SYCP2: variants seen among roughly 807,000 people sequenced by gnomAD.
SYCP2 encodes synaptonemal complex protein 2, also known as synaptonemal complex lateral element protein.
SYCP2 carries 55 observed loss-of-function variants against 211.3 expected under a neutral mutation model. That is an observed-to-expected ratio of 0.26 (90% CI 0.21 to 0.33). SYCP2 has a LOEUF of 0.33. SYCP2 is among the 10% of genes least tolerant of loss of function. The pLI is 1.00. For missense variants in SYCP2, 1,731 were observed against 1,752.0 expected (o/e 0.99, Z 0.21); for synonymous variants, 570 against 555.2 (o/e 1.03, Z -0.37).
At chr20:59,911,997 AAAC>A (rs1182050476) in intron 13 of SYCP2, 152 bp from the exon 14 acceptor site, 2 of 456,308 alleles carry the variant, frequency 4.4e-6, no homozygotes, top group Non-Finnish European at 3.9e-6. Context: ...ATAAATTTAA[AAAC>A]AATCAAATGA....
chr20:59,892,217 G>C lies in SYCP2; in HGVS notation c.2137C>G (p.Gln713Glu). ...SGQKNTENAKQSDWPVESETT... is the reference protein window; with the variant it reads ...SGQKNTENAKESDWPVESETT... Reference sequence around the variant, plus strand: ...TCAGATTCAACAGGCCAATCACTCTGCTTGGCATTTTCAGTATTTTTCTGC... The same window carrying C: ...TCAGATTCAACAGGCCAATCACTCTCCTTGGCATTTTCAGTATTTTTCTGC... Residue 713 changes from glutamine (Q) to glutamate (E), a missense_variant, in exon 24 of 45, where the codon CAG becomes GAG. By Grantham distance (29) the Gln-to-Glu change is conservative. Coordinates refer to ENST00000357552, the MANE Select transcript of SYCP2 (RefSeq NM_014258.4). The C allele has an allele frequency of 6.2e-7, 1 of 1,612,766 alleles. No individual in the cohort carries two copies. The highest frequency in any genetic ancestry group is 8.5e-7 in the Non-Finnish European group (1 of 1,179,224).
chr20:59,891,917 G>GTT (rs2059915058), intron 24 of SYCP2, 73 bp downstream of exon 24: 1 of 1,308,112 alleles, frequency 7.6e-7, no homozygotes, highest in Non-Finnish European at 1.0e-6. Flanking sequence ...AATTAATCAA[G>GTT]TTTCTTTCTT....
chr20:59,897,803 G>A (rs562482357), intron 18 of SYCP2, among the ~76,000 whole-genome samples: 1 of 152,206 alleles, frequency 6.6e-6, no homozygotes, highest in South Asian at 2.1e-4. Context: ...CAAAAAATGG[G>A]CCGGGTGCAG....
At chr20:59,926,270 G>A (rs1380589950) in intron 2 of SYCP2, among the ~76,000 whole-genome samples, 1 of 151,996 alleles carries the variant, frequency 6.6e-6, no homozygotes, top group Non-Finnish European at 1.5e-5. Context: ...CCACAAACTG[G>A]ATGGCTTAGA....
At chr20:59,867,894 A>G (rs1272859623) in intron 38 of SYCP2, 47 bp from the exon 39 acceptor site, 1 of 1,432,496 alleles carries the variant, frequency 7.0e-7, no homozygotes, top group Non-Finnish European at 9.7e-7. Flanking sequence ...GCATTACTCT[A>G]AATTTAGCCT....
intron 34 of SYCP2, 84 bp downstream of exon 34, chr20:59,875,187 A>T: frequency 1.2e-6 from 1 of 836,776 alleles, no homozygotes; most frequent in Non-Finnish European, 1.8e-6. Flanking sequence ...CCTCAAAATT[A>T]GTCTTAAAAT....
At chr20:59,924,913 T>TA (rs1338258524) in intron 2 of SYCP2, among the ~76,000 whole-genome samples, 3 of 151,986 alleles carry the variant, frequency 2.0e-5, no homozygotes, top group Admixed American at 1.3e-4. Flanking sequence ...GATAATCTTT[T>TA]CAATTAATCT....
chr20:59,864,362 G>C lies in SYCP2; in HGVS notation c.4542C>G (p.Arg1514=). The change falls in exon 45 of 45, where the codon CGC becomes CGG. Residue 1514 remains arginine, a synonymous_variant. Transcript: ENST00000357552. ...ACATGAATACTGACATCAGTTCTCTGCGTACATTAAGAAGCTCCTCTTCTA... is the reference window on the plus strand; with the variant it reads ...ACATGAATACTGACATCAGTTCTCTCCGTACATTAAGAAGCTCCTCTTCTA... ...DMLEEELLNV[R]RELMSVFMSH... The C allele has an allele frequency of 1.2e-6, 2 of 1,603,702 alleles. No individual in the cohort carries two copies. The highest frequency in any genetic ancestry group is 1.7e-6 in the Non-Finnish European group (2 of 1,175,410).
chr20:59,894,252 C>T (rs2059964002), intron 20 of SYCP2, among the ~76,000 whole-genome samples: 2 of 151,962 alleles, frequency 1.3e-5, no homozygotes, highest in African/African-American at 4.8e-5. Context: ...AGGAGGGGAA[C>T]ATTATGGAAA....
At chr20:59,891,921 C>G (rs1174333390) in intron 24 of SYCP2, 69 bp downstream of exon 24, 5 of 1,332,788 alleles carry the variant, frequency 3.8e-6, no homozygotes, top group Middle Eastern at 4.1e-4. Flanking sequence ...AATCAAGTTT[C>G]TTTCTTTCTT....
chr20:59,906,253 T>A (rs975583273), intron 15 of SYCP2, among the ~76,000 whole-genome samples: 1 of 152,044 alleles, frequency 6.6e-6, no homozygotes, highest in African/African-American at 2.4e-5. Context: ...AACAATATTT[T>A]AAAAAACCAC....
At chr20:59,864,495 A>G in intron 44 of SYCP2, 107 bp from the exon 45 acceptor site, 2 of 722,238 alleles carry the variant, frequency 2.8e-6, no homozygotes, top group Non-Finnish European at 4.6e-6. Flanking sequence ...GATTCATTTT[A>G]AAACAACTTC....
chr20:59,891,590 A>G (rs1179555538), intron 24 of SYCP2, among the ~76,000 whole-genome samples: 1 of 151,972 alleles, frequency 6.6e-6, no homozygotes, highest in Non-Finnish European at 1.5e-5. Flanking sequence ...GTGCTAGGAC[A>G]TGCAGGAAAA....
At chr20:59,875,208 C>A in intron 34 of SYCP2, 63 bp downstream of exon 34, 9 of 1,047,684 alleles carry the variant, frequency 8.6e-6, no homozygotes, top group Non-Finnish European at 1.2e-5. Flanking sequence ...TGTATTTTCC[C>A]ATAATTAGAG....
chr20:59,932,356 A>T (rs2060767527), intron 1 of SYCP2, among the ~76,000 whole-genome samples: 1 of 152,046 alleles, frequency 6.6e-6, no homozygotes, highest in African/African-American at 2.4e-5. Context: ...AAGGGGAGGG[A>T]AGGCGTCCTC....
chr20:59,906,202 C>G (rs2060210525), intron 15 of SYCP2, among the ~76,000 whole-genome samples: 2 of 152,014 alleles, frequency 1.3e-5, no homozygotes, highest in African/African-American at 2.4e-5. Flanking sequence ...TAAACCAATT[C>G]TAAAATTTAT....
At chr20:59,922,912 A>G (rs2060567907) in intron 2 of SYCP2, among the ~76,000 whole-genome samples, 1 of 151,960 alleles carries the variant, frequency 6.6e-6, no homozygotes. Flanking sequence ...ATATGCAAGG[A>G]AAGGAGTGAG....
chr20:59,892,944 C>G (rs1361094729), intron 22 of SYCP2, among the ~76,000 whole-genome samples, 198 bp downstream of exon 22: 2 of 151,822 alleles, frequency 1.3e-5, no homozygotes, highest in Admixed American at 6.6e-5. Flanking sequence ...CATTTTAAGT[C>G]TCTCCACTTG....
Position 59,875,483 on chromosome 20 carries a change from T to A in SYCP2, c.3151-14A>T. 2 of 1,588,962 alleles carry A rather than the reference T, an allele frequency of 1.3e-6. No individual in the cohort carries two copies. The highest frequency in any genetic ancestry group is 1.7e-6 in the Non-Finnish European group (2 of 1,165,476). On this transcript the variant is annotated splice_polypyrimidine_tract_variant and intron_variant, in intron 33 of 44. Transcript: ENST00000357552. ...GATATTCTCCTCCTAAATGTATCAATAACTTTCAAATTATACTCAAGTACA... is the reference window on the plus strand; with the variant it reads ...GATATTCTCCTCCTAAATGTATCAAAAACTTTCAAATTATACTCAAGTACA...
Sources: allele counts gnomAD v4.1 joint callset (sites outside exome capture counted in the v4.1 genomes callset), GRCh38; gene constraint gnomAD v4.1.1; transcripts MANE v1.5; gene names NCBI Gene and HGNC (gene_info 2026-07-23, HGNC 2026-07-21).